The following SLC25A26 variants were observed in gnomAD, a reference collection of about 807,000 sequenced individuals.
SLC25A26 encodes mitochondrial S-adenosylmethionine carrier protein.
A neutral mutation model predicts 37.8 loss-of-function variants in SLC25A26; 36 were observed. The observed-to-expected ratio is 0.95, with a 90% CI of 0.73 to 1.26. The LOEUF (loss-of-function observed/expected upper bound fraction) is 1.26. Among genes scored for constraint, SLC25A26 ranks in the 50% most tolerant of loss-of-function variants. SLC25A26 has a pLI of 0.00. For missense variants in SLC25A26, 390 were observed against 331.1 expected (o/e 1.18, Z -1.38); for synonymous variants, 129 against 122.5 (o/e 1.05, Z -0.35).
At chr3:66,188,366 G>T (rs924065012) in intron 1 of SLC25A26, among the ~76,000 whole-genome samples, 17 of 152,292 alleles carry the variant, frequency 1.1e-4, no homozygotes, top group Non-Finnish European at 2.2e-4. Flanking sequence ...GTGGGGTCTA[G>T]TGTAGGTTGT....
intron 3 of SLC25A26, among the ~76,000 whole-genome samples, chr3:66,259,878 C>G (rs9860707): frequency 0.053 from 7,994 of 152,204 alleles, 647 homozygotes; most frequent in African/African-American, 0.17. Flanking sequence ...AGGGCCTTGT[C>G]TGTCCAGTCT....
rs542095062 is a variant in SLC25A26 at position 66,371,300 on chromosome 3, C to T, written c.707+698C>T. 10 of 1,549,946 alleles carry T rather than the reference C, an allele frequency of 6.5e-6. No homozygotes were observed. The South Asian group carries it at 1.2e-4, about 18-fold the overall frequency. The stretch of plus-strand genomic sequence containing the variant: ...CCTGGACTTCGGGCGTCTCAGCTGG[C>T]AGTGCCACCTCCTCATCCTGATGCC... On this transcript the variant is annotated intron_variant, in intron 9 of 9. Transcript: ENST00000354883.
At chr3:66,262,287 T>G (rs1251516396) in intron 4 of SLC25A26, 132 bp downstream of exon 4, 1 of 466,762 alleles carries the variant, frequency 2.1e-6, no homozygotes, top group East Asian at 3.6e-5. Flanking sequence ...TTATAGTAAA[T>G]TTTTGCTAAG....
At chr3:66,314,129 G>C (rs1353118981) in intron 5 of SLC25A26, among the ~76,000 whole-genome samples, 1 of 152,046 alleles carries the variant, frequency 6.6e-6, no homozygotes, top group African/African-American at 2.4e-5. Context: ...TTGCCTGATT[G>C]TCCTGGCCAG....
At position 66,236,602 on chromosome 3, in the gene SLC25A26, A is replaced by C; in HGVS notation, c.92A>C (p.Lys31Thr). 2 of 1,518,938 alleles carry C rather than the reference A, an allele frequency of 1.3e-6. No homozygotes were observed. The highest frequency in any genetic ancestry group is 1.8e-6 in the Non-Finnish European group (2 of 1,134,546). 94.1% of individuals were successfully genotyped at this position (1,518,938 alleles called of 1,614,324 possible). Residue 31 changes from lysine to threonine, a missense_variant, in exon 2 of 10, where the codon AAA (lysine) becomes ACA (threonine). Lys to Thr is a moderately conservative substitution (Grantham distance 78). Coordinates refer to ENST00000354883, the MANE Select transcript of SLC25A26 (RefSeq NM_001379210.1). ...DLILFPLDTI[K>T]TRLQSPQGFS... Reference sequence around the variant, plus strand: ...ATATTATTTCCTCTGGATACCATTAAAACCAGGCTGCAGAGTCCCCAAGGA... The same window carrying C: ...ATATTATTTCCTCTGGATACCATTACAACCAGGCTGCAGAGTCCCCAAGGA...
intron 5 of SLC25A26, among the ~76,000 whole-genome samples, chr3:66,284,780 A>G (rs905227739): frequency 6.6e-6 from 1 of 152,196 alleles, no homozygotes; most frequent in Non-Finnish European, 1.5e-5. Flanking sequence ...GCAAATATAT[A>G]TTTATATCCA....
chr3:66,237,543 G>A (rs782020202), intron 2 of SLC25A26, among the ~76,000 whole-genome samples: 2 of 152,238 alleles, frequency 1.3e-5, no homozygotes, highest in Non-Finnish European at 2.9e-5. Flanking sequence ...CTTACATGAT[G>A]CAAGTGTTTC....
chr3:66,170,671 C>G lies in SLC25A26; in HGVS notation c.-354+36687C>G, dbSNP rs951455712. ...CTAAAGACACACACCTGTTAAATAT[C>G]CCTGCAGAACTCTGCTATTCCATCC... On this transcript the variant is annotated intron_variant, in intron 1 of 10. Coordinates refer to the SLC25A26 transcript ENST00000676754. 7.0e-4 allele frequency among the ~76,000 whole-genome samples: 107 copies of G among 152,086 alleles called. 2 individuals are homozygous for G. Among genetic ancestry groups the G allele is most frequent in the Non-Finnish European group, 7.4e-4 (50 of 68,026 alleles).
intron 2 of SLC25A26, among the ~76,000 whole-genome samples, chr3:66,241,884 T>C (rs1272606345): frequency 6.6e-6 from 1 of 151,760 alleles, no homozygotes; most frequent in Admixed American, 6.6e-5. Context: ...TTAGTCCCTA[T>C]TTTGAAGGGA....
intron 5 of SLC25A26, among the ~76,000 whole-genome samples, chr3:66,298,046 A>G (rs528280925): frequency 6.6e-5 from 10 of 152,328 alleles, no homozygotes; most frequent in African/African-American, 2.2e-4. Flanking sequence ...TGCATTCCCT[A>G]GGAACTTGCT....
chr3:66,200,029 A>C (rs2071089251), intron 1 of SLC25A26, among the ~76,000 whole-genome samples: 2 of 152,360 alleles, frequency 1.3e-5, no homozygotes, highest in African/African-American at 4.8e-5. Flanking sequence ...GACATTTACC[A>C]ACTTGCCTAA....
At chr3:66,291,327 G>C (rs1306138485) in intron 5 of SLC25A26, among the ~76,000 whole-genome samples, 2 of 151,642 alleles carry the variant, frequency 1.3e-5, no homozygotes, top group Non-Finnish European at 2.9e-5. Flanking sequence ...TCTGCTCGTA[G>C]TTATTTCTTG....
At chr3:66,308,475 T>G (rs2075287439) in intron 5 of SLC25A26, among the ~76,000 whole-genome samples, 1 of 152,242 alleles carries the variant, frequency 6.6e-6, no homozygotes, top group African/African-American at 2.4e-5. Flanking sequence ...CCTCTCTTCC[T>G]ATTTGAATAC....
intron 5 of SLC25A26, among the ~76,000 whole-genome samples, chr3:66,331,413 A>T (rs926243564): frequency 2.6e-5 from 4 of 152,022 alleles, no homozygotes; most frequent in Non-Finnish European, 2.9e-5. Flanking sequence ...AATACCCTTT[A>T]AAAAAATCCC....
intron 5 of SLC25A26, among the ~76,000 whole-genome samples, chr3:66,332,934 A>G (rs1414285396): frequency 6.6e-6 from 1 of 152,112 alleles, no homozygotes; most frequent in Non-Finnish European, 1.5e-5. Flanking sequence ...CTGAGTATCC[A>G]TACATACACT....
rs1012454240 is a variant in SLC25A26 at position 66,140,837 on chromosome 3, G to C, written c.-354+6853G>C. Reference sequence around the variant, plus strand: ...CTTTTAACAACTGCAGTACTAAAAGGGTCAAGTGAATGTCAAAGGCATGAT... The same window carrying C: ...CTTTTAACAACTGCAGTACTAAAAGCGTCAAGTGAATGTCAAAGGCATGAT... On this transcript the variant is annotated intron_variant, in intron 1 of 10. Transcript: ENST00000676754. Among the ~76,000 whole-genome samples the C allele has an allele frequency of 3.3e-5, 5 of 152,138 alleles. No homozygotes were observed. In the East Asian group the frequency reaches 9.7e-4, roughly 29 times the overall value.
chr3:66,181,487 C>T (rs894583869), intron 1 of SLC25A26, among the ~76,000 whole-genome samples: 18 of 152,210 alleles, frequency 1.2e-4, no homozygotes, highest in African/African-American at 3.9e-4. Context: ...CTAGCTACGA[C>T]ACTGAGCACC....
At chr3:66,285,894 C>G (rs2074497567) in intron 5 of SLC25A26, among the ~76,000 whole-genome samples, 1 of 152,134 alleles carries the variant, frequency 6.6e-6, no homozygotes, top group African/African-American at 2.4e-5. Context: ...GCAGGGAAGA[C>G]CAACAAACTA....
intron 2 of SLC25A26, among the ~76,000 whole-genome samples, chr3:66,240,856 C>T (rs1177366409): frequency 6.6e-6 from 1 of 151,244 alleles, no homozygotes; most frequent in Non-Finnish European, 1.5e-5. Context: ...TGCCATTCTC[C>T]TGCCTCAGCC....
Sources: allele counts gnomAD v4.1 joint callset (sites outside exome capture counted in the v4.1 genomes callset), GRCh38; gene constraint gnomAD v4.1.1; transcripts MANE v1.5; gene names NCBI Gene and HGNC (gene_info 2026-07-23, HGNC 2026-07-21).